The following OPN5 variants were observed in gnomAD, a reference collection of about 807,000 sequenced individuals.
The protein encoded by OPN5 is opsin-5.
A neutral mutation model predicts 41.7 loss-of-function variants in OPN5; 18 were observed. The ratio of observed to expected loss-of-function variants is 0.43; its 90% CI spans 0.30 to 0.64. OPN5 has a LOEUF of 0.64. Among genes scored for constraint, OPN5 ranks in the 30% least tolerant of loss-of-function variants. The pLI is 0.13. For missense variants in OPN5, 318 were observed against 434.5 expected (o/e 0.73, Z 2.38); for synonymous variants, 178 against 164.3 (o/e 1.08, Z -0.64).
intron 6 of OPN5, among the ~76,000 whole-genome samples, chr6:47,814,376 G>A (rs1236530459): frequency 6.6e-6 from 1 of 152,042 alleles, no homozygotes; most frequent in Non-Finnish European, 1.5e-5. Flanking sequence ...ACTAGAATAT[G>A]GTCTTTAACA....
chr6:47,800,815 ATT>A (rs1195244999), intron 4 of OPN5, among the ~76,000 whole-genome samples: 1 of 152,174 alleles, frequency 6.6e-6, no homozygotes, highest in Non-Finnish European at 1.5e-5. Context: ...TACTGATACA[ATT>A]TTTGCAAAGG....
At chr6:47,817,228 A>G (rs886837349) in intron 6 of OPN5, among the ~76,000 whole-genome samples, 1 of 152,112 alleles carries the variant, frequency 6.6e-6, no homozygotes, top group Non-Finnish European at 1.5e-5. Flanking sequence ...TTGCCTATTT[A>G]GCTTTCATGA....
chr6:47,790,472 C>T (rs1279339830), intron 2 of OPN5, among the ~76,000 whole-genome samples: 1 of 152,136 alleles, frequency 6.6e-6, no homozygotes, highest in African/African-American at 2.4e-5. Flanking sequence ...GGCATGAACA[C>T]ATGAAAATTG....
intron 2 of OPN5, 101 bp downstream of exon 2, chr6:47,786,735 C>A: frequency 1.0e-6 from 1 of 990,760 alleles, no homozygotes; most frequent in South Asian, 1.7e-5. Flanking sequence ...CTTCCCTTCA[C>A]ATCTCCTTCC....
intron 2 of OPN5, among the ~76,000 whole-genome samples, chr6:47,789,038 T>A (rs1292281545): frequency 1.3e-5 from 2 of 152,034 alleles, no homozygotes; most frequent in Admixed American, 6.6e-5. Flanking sequence ...AAAGCTCTAC[T>A]GAAGAAGGAA....
At chr6:47,801,681 G>T (rs910218113) in intron 4 of OPN5, among the ~76,000 whole-genome samples, 30 of 152,174 alleles carry the variant, frequency 2.0e-4, no homozygotes, top group African/African-American at 7.0e-4. Flanking sequence ...CAGCCTTTAC[G>T]TTATCTTCTT....
At chr6:47,787,097 GAAGAGGA>G in intron 2 of OPN5, 1 of 982,616 alleles carries the variant, frequency 1.0e-6, no homozygotes, top group Non-Finnish European at 1.2e-6. Flanking sequence ...GTGAATGTAG[GAAGAGGA>G]AAGAGGTGCC....
intron 4 of OPN5, among the ~76,000 whole-genome samples, chr6:47,796,244 A>G (rs897068443): frequency 1.3e-5 from 2 of 152,242 alleles, no homozygotes; most frequent in African/African-American, 4.8e-5. Context: ...CCTCACTTGC[A>G]TAACAGGAAT....
At chr6:47,821,346 T>C (rs2114014889) in intron 6 of OPN5, among the ~76,000 whole-genome samples, 1 of 152,224 alleles carries the variant, frequency 6.6e-6, no homozygotes, top group Non-Finnish European at 1.5e-5. Context: ...CACATGGGTG[T>C]GGGAGGGGAT....
At chr6:47,811,849 G>A (rs1774217957) in intron 6 of OPN5, 118 bp downstream of exon 6, 9 of 604,792 alleles carry the variant, frequency 1.5e-5, no homozygotes, top group Non-Finnish European at 2.5e-5. Context: ...TTTATATTTT[G>A]TACAGTTTTC....
intron 1 of OPN5, among the ~76,000 whole-genome samples, chr6:47,784,701 CAA>C (rs1773156783): frequency 6.6e-6 from 1 of 151,970 alleles, no homozygotes; most frequent in Non-Finnish European, 1.5e-5. Context: ...GGAAAGATAA[CAA>C]TATAAATCTG....
At chr6:47,797,040 A>G (rs972456004) in intron 4 of OPN5, among the ~76,000 whole-genome samples, 1 of 152,180 alleles carries the variant, frequency 6.6e-6, no homozygotes, top group African/African-American at 2.4e-5. Context: ...CTTATTCACT[A>G]TCATGAGAAC....
chr6:47,813,565 A>T (rs1486359142), intron 6 of OPN5, among the ~76,000 whole-genome samples: 1 of 152,148 alleles, frequency 6.6e-6, no homozygotes, highest in Non-Finnish European at 1.5e-5. Context: ...GGATTTTACC[A>T]TGACGGTGAT....
intron 4 of OPN5, 66 bp from the exon 5 acceptor site, chr6:47,808,088 A>G: frequency 6.5e-7 from 1 of 1,543,358 alleles, no homozygotes; most frequent in Non-Finnish European, 8.9e-7. Context: ...CTCCATACCC[A>G]TCGTTTCAGA....
intron 2 of OPN5, among the ~76,000 whole-genome samples, chr6:47,789,212 C>T (rs917051658): frequency 6.6e-6 from 1 of 152,136 alleles, no homozygotes; most frequent in African/African-American, 2.4e-5. Flanking sequence ...TCCATTCCCT[C>T]CAGAAGTTTA....
intron 6 of OPN5, among the ~76,000 whole-genome samples, chr6:47,813,429 C>A (rs1454808496): frequency 6.6e-6 from 1 of 152,160 alleles, no homozygotes; most frequent in Non-Finnish European, 1.5e-5. Flanking sequence ...AGAAGCACCC[C>A]TGGGTACCAA....
Position 47,795,289 on chromosome 6 carries a change from C to G in OPN5, c.482C>G (p.Ser161Cys). 2.5e-6 allele frequency: 4 copies of G among 1,613,536 alleles called. No homozygotes were observed. In the South Asian group the frequency reaches 3.3e-5, roughly 13 times the overall value. Residue 161 changes from serine to cysteine, a missense_variant, in exon 4 of 7, where the codon TCC becomes TGC. Physicochemically the swap from Ser to Cys is moderately radical, Grantham distance 112. Around this residue, in one of 3 missense-constraint regions of OPN5, gnomAD observed 219 missense variants for 343.4 expected, o/e 0.64. Coordinates refer to ENST00000371211, the Ensembl canonical transcript of OPN5. ...CTGGCAGCCATCTGGGCCTATGCTT[C>G]CTTCTGGACCACCATGCCCTTGGTA...
At chr6:47,820,458 G>C (rs1373457134) in intron 6 of OPN5, among the ~76,000 whole-genome samples, 1 of 152,056 alleles carries the variant, frequency 6.6e-6, no homozygotes, top group South Asian at 2.1e-4. Flanking sequence ...CTTTCATCTC[G>C]CTTGATTTAA....
chr6:47,791,408 T>C (rs1453248481), intron 2 of OPN5, among the ~76,000 whole-genome samples: 3 of 152,160 alleles, frequency 2.0e-5, no homozygotes, highest in South Asian at 2.1e-4. Flanking sequence ...ATTTCCCCTT[T>C]CTCTAAGCCT....
Sources: allele counts gnomAD v4.1 joint callset (sites outside exome capture counted in the v4.1 genomes callset), GRCh38; gene constraint gnomAD v4.1.1; regional missense constraint gnomAD v4.1.1; transcripts MANE v1.5; gene names NCBI Gene and HGNC (gene_info 2026-07-23, HGNC 2026-07-21).